The following DGKB variants were observed in gnomAD, a reference collection of about 807,000 sequenced individuals.
The protein encoded by DGKB is 90 kDa diacylglycerol kinase.
Under a neutral mutation model 114.3 loss-of-function variants are expected in DGKB, and 67 were observed. The observed-to-expected ratio is 0.59, with a 90% confidence interval of 0.48 to 0.72. The LOEUF (loss-of-function observed/expected upper bound fraction) is 0.72. Among genes scored for constraint, DGKB ranks in the 30% least tolerant of loss-of-function variants. The probability of loss-of-function intolerance (pLI) is 0.00; values close to 1 mark genes in which losing one functional copy is unlikely to be tolerated. For synonymous variants in DGKB, 398 were observed against 323.1 expected (o/e 1.23, Z -2.49); for missense variants, 907 against 975.2 (o/e 0.93, Z 0.93).
At chr7:14,230,360 T>A (rs894834641) in intron 23 of DGKB, among the ~76,000 whole-genome samples, 1 of 152,010 alleles carries the variant, frequency 6.6e-6, no homozygotes, top group Non-Finnish European at 1.5e-5. Flanking sequence ...AGTCACTTAG[T>A]GTATTTTTGG....
At chr7:14,583,680 C>T (rs1483269624) in intron 17 of DGKB, among the ~76,000 whole-genome samples, 4 of 152,170 alleles carry the variant, frequency 2.6e-5, no homozygotes, top group African/African-American at 7.2e-5. Flanking sequence ...AGGAGGCAGG[C>T]TTCACCTTGT....
intron 13 of DGKB, among the ~76,000 whole-genome samples, chr7:14,636,394 T>G (rs1396659847): frequency 6.6e-6 from 1 of 151,806 alleles, no homozygotes; most frequent in Non-Finnish European, 1.5e-5. Context: ...GTGAATTAAT[T>G]AAAATGTTAC....
intron 23 of DGKB, among the ~76,000 whole-genome samples, chr7:14,259,027 A>G (rs1257685352): frequency 1.3e-5 from 2 of 152,170 alleles, no homozygotes; most frequent in African/African-American, 4.8e-5. Flanking sequence ...CAATAGATTC[A>G]AAGCAACCAT....
intron 2 of DGKB, among the ~76,000 whole-genome samples, chr7:14,798,220 T>C (rs956715024): frequency 2.8e-4 from 42 of 152,208 alleles, no homozygotes; most frequent in Non-Finnish European, 8.8e-5. Flanking sequence ...AGTTGTGTTT[T>C]CAGGATTTAA....
intron 23 of DGKB, among the ~76,000 whole-genome samples, chr7:14,214,255 C>T (rs1788600918): frequency 6.6e-6 from 1 of 152,062 alleles, no homozygotes; most frequent in Admixed American, 6.6e-5. Context: ...GTCTCTAGCT[C>T]TATTTGTTGA....
At chr7:14,668,965 A>C (rs369778391) in intron 13 of DGKB, among the ~76,000 whole-genome samples, 1 of 151,822 alleles carries the variant, frequency 6.6e-6, no homozygotes, top group African/African-American at 2.4e-5. Context: ...ATATTCATCC[A>C]AGCCGACTGG....
chr7:14,282,239 T>C (rs1396182342), intron 23 of DGKB, among the ~76,000 whole-genome samples: 50 of 131,126 alleles, frequency 3.8e-4, no homozygotes, highest in Middle Eastern at 3.7e-3. Context: ...AACACCTCTA[T>C]GCAAATAAAC....
At chr7:14,380,928 A>G (rs1819353819) in intron 21 of DGKB, among the ~76,000 whole-genome samples, 1 of 152,244 alleles carries the variant, frequency 6.6e-6, no homozygotes, top group African/African-American at 2.4e-5. Flanking sequence ...AGATGTAATT[A>G]AGGTTAAGAA....
intron 5 of DGKB, among the ~76,000 whole-genome samples, chr7:14,722,473 C>T (rs1401206472): frequency 1.3e-5 from 2 of 152,064 alleles, no homozygotes; most frequent in Non-Finnish European, 2.9e-5. Context: ...GGATGTACTA[C>T]AGTTTATGCA....
chr7:14,708,641 A>G (rs1049240775), intron 6 of DGKB, among the ~76,000 whole-genome samples: 2 of 151,658 alleles, frequency 1.3e-5, no homozygotes, highest in African/African-American at 4.9e-5. Flanking sequence ...AACAGAACAG[A>G]GCCCTCAGAA....
chr7:14,497,073 A>T (rs1785409527), intron 20 of DGKB, among the ~76,000 whole-genome samples: 1 of 151,838 alleles, frequency 6.6e-6, no homozygotes, highest in African/African-American at 2.4e-5. Context: ...ATTCTAAGTG[A>T]AGTAACTCAG....
chr7:14,243,272 AAAG>A (rs1562720287), intron 23 of DGKB, among the ~76,000 whole-genome samples: 1 of 152,174 alleles, frequency 6.6e-6, no homozygotes. Flanking sequence ...GTTGACACTT[AAAG>A]AATTGTGCAG....
chr7:14,227,885 ATGAC>A (rs1791074433), intron 23 of DGKB, among the ~76,000 whole-genome samples: 1 of 152,086 alleles, frequency 6.6e-6, no homozygotes, highest in South Asian at 2.1e-4. Context: ...AGAATTCTGA[ATGAC>A]TATGTATGCC....
chr7:14,697,615 T>C (rs146569135), intron 8 of DGKB, among the ~76,000 whole-genome samples: 1,006 of 96,186 alleles, frequency 0.01, 10 homozygotes, highest in African/African-American at 0.037. Context: ...TATCAAAAGA[T>C]AAAATGAAAT....
At chr7:14,270,850 G>C (rs892091006) in intron 23 of DGKB, among the ~76,000 whole-genome samples, 13 of 152,078 alleles carry the variant, frequency 8.5e-5, no homozygotes, top group Non-Finnish European at 1.8e-4. Context: ...GGGGTAGAAG[G>C]GTTAGGTATT....
intron 23 of DGKB, among the ~76,000 whole-genome samples, chr7:14,248,030 G>A (rs1369315214): frequency 6.6e-6 from 1 of 151,848 alleles, no homozygotes; most frequent in Non-Finnish European, 1.5e-5. Context: ...TTTTTTATAT[G>A]TTGTGAAATA....
At chr7:14,782,866 G>A (rs1839333607) in intron 2 of DGKB, among the ~76,000 whole-genome samples, 1 of 151,948 alleles carries the variant, frequency 6.6e-6, no homozygotes, top group South Asian at 2.1e-4. Context: ...ATGCGGTCTT[G>A]TTCTGTGGCC....
At chr7:14,601,572 T>C (rs1235922739) in intron 17 of DGKB, among the ~76,000 whole-genome samples, 1 of 152,204 alleles carries the variant, frequency 6.6e-6, no homozygotes, top group Admixed American at 6.5e-5. Flanking sequence ...TGACAAATTC[T>C]GTCACTAATT....
intron 20 of DGKB, among the ~76,000 whole-genome samples, chr7:14,514,659 ATATTTT>A: frequency 6.6e-6 from 1 of 152,332 alleles, no homozygotes; most frequent in Admixed American, 6.5e-5. Context: ...TCAAATACAG[ATATTTT>A]TATTTTTATC....
Sources: allele counts gnomAD v4.1 joint callset (sites outside exome capture counted in the v4.1 genomes callset), GRCh38; gene constraint gnomAD v4.1.1; transcripts MANE v1.5; gene names NCBI Gene and HGNC (gene_info 2026-07-23, HGNC 2026-07-21).